Variants in COL18A1 observed in about 807,000 individuals in gnomAD.
COL18A1 encodes the protein collagen alpha-1(XVIII) chain.
A neutral mutation model predicts 168.0 loss-of-function variants in COL18A1; 133 were observed. That is an observed-to-expected ratio of 0.79 (90% CI 0.69 to 0.91). The LOEUF is 0.91. Among genes scored for constraint, COL18A1 ranks in the 40% least tolerant of loss-of-function variants. The probability of loss-of-function intolerance (pLI) is 0.00; values close to 1 mark genes in which losing one functional copy is unlikely to be tolerated. For missense variants in COL18A1, 2,126 were observed against 1,925.4 expected (o/e 1.10, Z -1.95); for synonymous variants, 949 against 809.0 (o/e 1.17, Z -2.94).
At chr21:45,451,282 A>T (rs779246540) in intron 2 of COL18A1, among the ~76,000 whole-genome samples, 1 of 152,216 alleles carries the variant, frequency 6.6e-6, no homozygotes, top group Non-Finnish European at 1.5e-5. Context: ...TCAGGGATAG[A>T]GCAGGGAGTC....
rs375716971 is a variant in COL18A1 at position 45,467,647 on chromosome 21, G to A, written c.107-595G>A. Among the ~76,000 whole-genome samples, 40 of 152,308 alleles carry A rather than the reference G, an allele frequency of 2.6e-4. No homozygotes were observed. In the South Asian group the frequency reaches 5.0e-3, roughly 19 times the overall value. The stretch of plus-strand genomic sequence containing the variant: ...GGCGACGCCCCGTAGCCGAGGCTTC[G>A]AAGAACACTGGGGTGTGGGGTCAGC... On this transcript the variant is annotated intron_variant, in intron 2 of 41. Coordinates refer to ENST00000651438, the MANE Select transcript of COL18A1 (RefSeq NM_001379500.1).
chr21:45,437,356 G>GCA (rs1555972415), intron 2 of COL18A1, among the ~76,000 whole-genome samples: 4 of 12,838 alleles, frequency 3.1e-4, no homozygotes, highest in South Asian at 2.2e-3. Context: ...GCACTCTCCT[G>GCA]CGCACACACA....
Position 45,509,620 on chromosome 21 carries a change from T to A in COL18A1, c.3495+19T>A. On this transcript the variant is annotated intron_variant, in intron 39 of 41. Coordinates refer to ENST00000651438, the MANE Select transcript of COL18A1 (RefSeq NM_001379500.1). ...GCCGGTGGTGAGTGCCCCCCCAAAG[T>A]GGGCTTGGCTCCATCTAGCCCCTCG... is the stretch of plus-strand genomic sequence containing the variant. The A allele has an allele frequency of 7.5e-7, 1 of 1,337,044 alleles. No individual in the cohort carries two copies. The highest frequency in any genetic ancestry group is 1.0e-6 in the Non-Finnish European group (1 of 965,322). 82.8% of individuals were successfully genotyped at this position (1,337,044 alleles called of 1,614,324 possible). A position where few individuals can be genotyped will look rare whatever the true frequency, so the allele number is the denominator to read the frequency against.
At chr21:45,431,395 G>T (rs530011580) in intron 2 of COL18A1, among the ~76,000 whole-genome samples, 4 of 141,872 alleles carry the variant, frequency 2.8e-5, no homozygotes, top group South Asian at 2.4e-4. Context: ...CCAGGGGAGG[G>T]GGGCAGGCAG....
At chr21:45,419,406 T>C (rs2064172150) in intron 2 of COL18A1, among the ~76,000 whole-genome samples, 2 of 152,252 alleles carry the variant, frequency 1.3e-5, no homozygotes, top group South Asian at 4.1e-4. Flanking sequence ...TAATGTCATG[T>C]AGTGACACGC....
chr21:45,505,730 A>G, intron 36 of COL18A1, 108 bp from the exon 37 acceptor site: 1 of 946,834 alleles, frequency 1.1e-6, no homozygotes, highest in African/African-American at 1.6e-5. Flanking sequence ...ACACCTGTCC[A>G]AAGCCCTGCG....
chr21:45,498,448 G>T lies in COL18A1; in HGVS notation c.2683+787G>T. 1.4e-6 allele frequency: 1 copy of T among 701,698 alleles called. No individual in the cohort carries two copies. The highest frequency in any genetic ancestry group is 3.6e-4 in the Middle Eastern group (1 of 2,788). The allele number at this position is 701,698 out of a possible 1,614,324, so 43.5% of individuals were successfully genotyped here. ...GCCACGGTCCCCTCTCGCCGCCAGG[G>T]TCCCCTCTCGCCGCCACGGTCCCCG... is the stretch of plus-strand genomic sequence containing the variant. On this transcript the variant is annotated intron_variant, in intron 32 of 41. Transcript: ENST00000651438. The surrounding 1 kb of genome is among the most constrained non-coding windows in gnomAD (Gnocchi z 4.5).
rs534498310 is a variant in COL18A1 at position 45,499,701 on chromosome 21, T to C, written c.2683+2040T>C. 1.4e-3 allele frequency among the ~76,000 whole-genome samples: 219 copies of C among 151,564 alleles called. 1 individual carries two copies. The highest frequency in any genetic ancestry group is 3.4e-3 in the Middle Eastern group (1 of 294). ...CCCGTGGTCTCAGCGCCCTGGGGAG[T>C]GGTGGTAGTTCTCACTATATTGGAC... On this transcript the variant is annotated intron_variant, in intron 32 of 41. Transcript: ENST00000651438.
intron 37 of COL18A1, 96 bp from the exon 38 acceptor site, chr21:45,507,459 GAGGGCC>G: frequency 2.8e-6 from 1 of 356,632 alleles, no homozygotes; most frequent in Middle Eastern, 1.1e-3. Context: ...TGTGGGCTGG[GAGGGCC>G]AGGTGCTGGG....
rs2035853390 is a variant in COL18A1, at chr21:45,480,450, C to G, written c.1399-17C>G. The G allele has an allele frequency of 6.2e-7, 1 of 1,614,000 alleles. No homozygotes were observed. The highest frequency in any genetic ancestry group is 1.3e-5 in the African/African-American group (1 of 74,930). The stretch of plus-strand genomic sequence containing the variant: ...GCCGAGCTCAGGGCAACGTGTCTCT[C>G]CGGCTCTTTTCCTCAGACCTTCATT... On this transcript the variant is annotated splice_polypyrimidine_tract_variant and intron_variant, in intron 11 of 41. Coordinates refer to ENST00000651438, the MANE Select transcript of COL18A1 (RefSeq NM_001379500.1).
intron 2 of COL18A1, among the ~76,000 whole-genome samples, chr21:45,414,428 T>C (rs2033384614): frequency 6.6e-6 from 1 of 152,248 alleles, no homozygotes; most frequent in Admixed American, 6.5e-5. Context: ...CACACGTTTC[T>C]ATTGTGAAAA....
rs2035654708 is a variant in COL18A1 at position 45,476,412 on chromosome 21, G to T, written c.860G>T (p.Gly287Val). 1 of 1,614,068 alleles carries T rather than the reference G, an allele frequency of 6.2e-7. No individual in the cohort carries two copies. Among genetic ancestry groups the T allele is most frequent in the Non-Finnish European group, 8.5e-7 (1 of 1,180,044 alleles). The change falls in exon 6 of 42, where the codon GGA becomes GTA. Residue 287 changes from glycine (G) to valine (V), a missense_variant. Coordinates refer to ENST00000651438, the MANE Select transcript of COL18A1 (RefSeq NM_001379500.1). ...CCCGTCACCACGCCACCCTTGGCTG[G>T]AGGCAGCAGCACGGAAGATTCCAGA... ...PPPVTTPPLA[G>V]GSSTEDSRSE... is the part of the protein sequence containing the mutation.
chr21:45,464,917 T>C (rs996535337), intron 2 of COL18A1, among the ~76,000 whole-genome samples: 11 of 152,212 alleles, frequency 7.2e-5, no homozygotes, highest in Non-Finnish European at 1.2e-4. Flanking sequence ...GTGGACATCC[T>C]TGGGGCCATG....
At chr21:45,497,750 G>A in intron 32 of COL18A1, 89 bp downstream of exon 32, 1 of 1,524,552 alleles carries the variant, frequency 6.6e-7, no homozygotes, top group South Asian at 1.2e-5. Context: ...CCACAAGCAG[G>A]TCCTGGACCC....
At chr21:45,448,866 C>G (rs2034560515) in intron 2 of COL18A1, among the ~76,000 whole-genome samples, 1 of 152,218 alleles carries the variant, frequency 6.6e-6, no homozygotes. Context: ...CTGCCCGCCC[C>G]CGCTGCCCCA....
intron 2 of COL18A1, chr21:45,410,153 C>T (rs2033246391): frequency 6.6e-6 from 1 of 152,178 alleles, no homozygotes; most frequent in African/African-American, 2.4e-5. Context: ...CTGGCTTCTT[C>T]CACAGGAGCC....
At chr21:45,500,555 G>T (rs1170018071) in intron 32 of COL18A1, among the ~76,000 whole-genome samples, 2 of 51,466 alleles carry the variant, frequency 3.9e-5, no homozygotes, top group South Asian at 7.2e-4. Context: ...GGTGTGTGTT[G>T]GGTGTGTAGT....
chr21:45,486,982 C>T lies in COL18A1; in HGVS notation c.1823C>T (p.Pro608Leu). 6.6e-7 allele frequency: 1 copy of T among 1,520,296 alleles called. No homozygotes were observed. Among genetic ancestry groups the T allele is most frequent in the Non-Finnish European group, 8.8e-7 (1 of 1,141,142 alleles). 94.2% of individuals were successfully genotyped at this position (1,520,296 alleles called of 1,614,324 possible). Residue 608 changes from proline (P) to leucine (L), a missense_variant, in exon 16 of 42, where the codon CCC becomes CTC. Coordinates refer to ENST00000651438, the MANE Select transcript of COL18A1 (RefSeq NM_001379500.1). ...CCTGGGCCCCCAGGACCAGGACTCC[C>T]CGCTGGATTTGTGAGTACCGCCTAC... ...GPPGPPGPGL[P>L]AGFDDMEGSG...
At chr21:45,484,991 TAGAA>T (rs952459111) in intron 15 of COL18A1, among the ~76,000 whole-genome samples, 8 of 152,160 alleles carry the variant, frequency 5.3e-5, no homozygotes, top group African/African-American at 1.9e-4. Context: ...GGGATGAAAT[TAGAA>T]AGAGGTTTTC....
Sources: allele counts gnomAD v4.1 joint callset (sites outside exome capture counted in the v4.1 genomes callset), GRCh38; gene constraint gnomAD v4.1.1; non-coding constraint Gnocchi (gnomAD v3.1); transcripts MANE v1.5; gene names NCBI Gene and HGNC (gene_info 2026-07-23, HGNC 2026-07-21).